Variants in STEAP1B observed in about 807,000 individuals in gnomAD.
The protein encoded by STEAP1B is STEAP family protein MGC87042.
STEAP1B carries 13 observed loss-of-function variants against 27.9 expected under a neutral mutation model. The observed-to-expected ratio is 0.47, with a 90% confidence interval of 0.30 to 0.74. STEAP1B has a LOEUF of 0.74. Among genes scored for constraint, STEAP1B ranks in the 30% least tolerant of loss-of-function variants. The probability of loss-of-function intolerance (pLI) is 0.06; values close to 1 mark genes in which losing one functional copy is unlikely to be tolerated. For synonymous variants in STEAP1B, 86 were observed against 107.1 expected, an observed-to-expected ratio of 0.80 and a Z score of 1.22; for missense variants, 250 against 298.7, an observed-to-expected ratio of 0.84 and a Z score of 1.20.
chr7:22,498,179 G>C (rs571367757), intron 1 of STEAP1B, among the ~76,000 whole-genome samples: 2 of 152,340 alleles, frequency 1.3e-5, no homozygotes, highest in Non-Finnish European at 2.9e-5. Context: ...ACAGGACACT[G>C]ACTGATACCA....
chr7:22,433,886 C>T (rs924671522), intron 4 of STEAP1B, among the ~76,000 whole-genome samples: 12 of 152,206 alleles, frequency 7.9e-5, no homozygotes, highest in Admixed American at 4.6e-4. Context: ...CCACCGATCA[C>T]GTTCTCCTTT....
At chr7:22,438,343 C>A (rs1785280733) in intron 4 of STEAP1B, 3 of 960,826 alleles carry the variant, frequency 3.1e-6, no homozygotes, top group Admixed American at 5.8e-5. Context: ...TATTTTTCTA[C>A]ATAATACTGT....
intron 4 of STEAP1B, among the ~76,000 whole-genome samples, chr7:22,485,644 G>A (rs1251882415): frequency 6.6e-6 from 1 of 152,038 alleles, no homozygotes; most frequent in East Asian, 1.9e-4. Flanking sequence ...TATATGCACT[G>A]GGAAACAAAA....
At chr7:22,420,519 A>G (rs530172027) in intron 4 of STEAP1B, among the ~76,000 whole-genome samples, 1 of 152,334 alleles carries the variant, frequency 6.6e-6, no homozygotes, top group African/African-American at 2.4e-5. Flanking sequence ...GGCAGGAGTA[A>G]TTACACCAGA....
chr7:22,461,315 T>C (rs1046737730), intron 4 of STEAP1B, among the ~76,000 whole-genome samples: 1 of 152,122 alleles, frequency 6.6e-6, no homozygotes, highest in African/African-American at 2.4e-5. Flanking sequence ...CAGGCTAGAG[T>C]GCAATGGCAT....
Position 22,419,773 on chromosome 7 carries a change from T to A in STEAP1B, c.*31A>T, listed in dbSNP as rs375964555. The A allele has an allele frequency of 6.5e-7, 1 of 1,548,046 alleles. No homozygotes were observed. Among genetic ancestry groups the A allele is most frequent in the East Asian group, 2.5e-5 (1 of 40,784 alleles). ...AATGCTGTGCTCCAAAGCCTCGTTC[T>A]CATTTCCTCTCATGTTACTGGCAGG... is the stretch of plus-strand genomic sequence containing the variant. On this transcript the variant is annotated 3_prime_UTR_variant, in exon 5 of 5. Transcript: ENST00000678116.
chr7:22,467,543 A>G (rs1325340749), intron 4 of STEAP1B, among the ~76,000 whole-genome samples: 1 of 152,176 alleles, frequency 6.6e-6, no homozygotes, highest in Non-Finnish European at 1.5e-5. Flanking sequence ...GTGTTGTAGG[A>G]GGGACCCAGT....
chr7:22,420,172 T>C (rs1785027698), intron 4 of STEAP1B, among the ~76,000 whole-genome samples: 1 of 152,180 alleles, frequency 6.6e-6, no homozygotes, highest in South Asian at 2.1e-4. Context: ...GGGGCAAGGA[T>C]TGACTGATCA....
intron 4 of STEAP1B, among the ~76,000 whole-genome samples, chr7:22,434,525 T>TAA (rs3841290): frequency 5.9e-5 from 9 of 151,758 alleles, no homozygotes; most frequent in South Asian, 4.2e-4. Context: ...TAAGAATAGG[T>TAA]AAAAAAAAAT....
At chr7:22,461,008 G>A (rs942602674) in intron 4 of STEAP1B, among the ~76,000 whole-genome samples, 1 of 152,146 alleles carries the variant, frequency 6.6e-6, no homozygotes, top group Non-Finnish European at 1.5e-5. Flanking sequence ...ATTGATAAAT[G>A]ACACAGGAGG....
intron 4 of STEAP1B, among the ~76,000 whole-genome samples, chr7:22,465,505 ATTC>A (rs1785761363): frequency 6.6e-6 from 1 of 152,124 alleles, no homozygotes; most frequent in South Asian, 2.1e-4. Flanking sequence ...GGTCTAGGTA[ATTC>A]TTCTGTTGTG....
intron 4 of STEAP1B, among the ~76,000 whole-genome samples, chr7:22,436,425 A>ATTTAACT (rs3063763): frequency 0.27 from 41,415 of 151,706 alleles, 6,656 homozygotes; most frequent in Non-Finnish European, 0.34. Flanking sequence ...ATTTTTTTAA[A>ATTTAACT]TTTAAGTTCA....
intron 4 of STEAP1B, among the ~76,000 whole-genome samples, chr7:22,456,980 T>A (rs1362880015): frequency 1.4e-4 from 11 of 77,200 alleles, no homozygotes; most frequent in Admixed American, 2.8e-4. Flanking sequence ...ATATTTTTTT[T>A]TTTTTTAAGT....
chr7:22,480,884 C>T (rs1053715671), intron 4 of STEAP1B, among the ~76,000 whole-genome samples: 1 of 152,212 alleles, frequency 6.6e-6, no homozygotes, highest in East Asian at 1.9e-4. Context: ...AGAAGCCTGG[C>T]GCAGGTCCAG....
At position 22,456,019 on chromosome 7, in the gene STEAP1B, C is replaced by T. The variant is rs185235209; in HGVS notation, c.763-36183G>A. On this transcript the variant is annotated intron_variant, in intron 4 of 4. Transcript: ENST00000678116. ...AAAATTAGCTGGGCCTGGTGGTGAG[C>T]GCCTGTAGTCCCAGCTACTCGTGAG... is the stretch of plus-strand genomic sequence containing the variant. 1.4e-3 allele frequency among the ~76,000 whole-genome samples: 217 copies of T among 152,064 alleles called. 2 individuals are homozygous for T. The highest frequency in any genetic ancestry group is 4.0e-3 in the African/African-American group (166 of 41,488).
chr7:22,492,439 G>C (rs1198798656), intron 4 of STEAP1B, 126 bp downstream of exon 4: 25 of 1,339,456 alleles, frequency 1.9e-5, no homozygotes, highest in Non-Finnish European at 2.3e-5. Context: ...TTATTAACTG[G>C]AACAAGTACA....
At chr7:22,483,919 G>A (rs916717539) in intron 4 of STEAP1B, among the ~76,000 whole-genome samples, 1 of 152,204 alleles carries the variant, frequency 6.6e-6, no homozygotes. Flanking sequence ...TTTGTTAGAA[G>A]ATCAAACTAG....
In STEAP1B at chr7:22,494,683, C is replaced by T. The variant is rs191990419; in HGVS notation, c.84+89G>A. 80 of 975,158 alleles carry T rather than the reference C, an allele frequency of 8.2e-5. 1 individual carries two copies. In the African/African-American group the frequency reaches 1.3e-3, roughly 15 times the overall value. The allele number at this position is 975,158 out of a possible 1,614,324, so 60.4% of individuals were successfully genotyped here. A position where few individuals can be genotyped will look rare whatever the true frequency, so the allele number is the denominator to read the frequency against. On this transcript the variant is annotated intron_variant, in intron 2 of 4. Coordinates refer to ENST00000678116, the MANE Select transcript of STEAP1B (RefSeq NM_001382447.1). Reference sequence around the variant, plus strand: ...ATCAGCAGACTAGGGTGAAAAATCACTTTCATAACACTAGGAGATACAGAA... The same window carrying T: ...ATCAGCAGACTAGGGTGAAAAATCATTTTCATAACACTAGGAGATACAGAA...
At chr7:22,494,914 T>C (rs1786413272) in intron 1 of STEAP1B, 28 bp from the exon 2 acceptor site, 2 of 1,183,280 alleles carry the variant, frequency 1.7e-6, no homozygotes, top group Middle Eastern at 2.0e-4. Flanking sequence ...ATTACTTTCA[T>C]GTCTATTCTA....
Sources: allele counts gnomAD v4.1 joint callset (sites outside exome capture counted in the v4.1 genomes callset), GRCh38; gene constraint gnomAD v4.1.1; transcripts MANE v1.5; gene names NCBI Gene and HGNC (gene_info 2026-07-23, HGNC 2026-07-21).